The following PDE10A variants were observed in gnomAD, a reference collection of about 807,000 sequenced individuals.
The protein encoded by PDE10A is phosphodiesterase 10A, also known as cAMP and cAMP-inhibited cGMP 3',5'-cyclic phosphodiesterase 10A.
Under a neutral mutation model 97.7 loss-of-function variants are expected in PDE10A, and 39 were observed. The ratio of observed to expected loss-of-function variants is 0.40; its 90% CI spans 0.31 to 0.52. PDE10A has a LOEUF of 0.52. Among genes scored for constraint, PDE10A ranks in the 20% least tolerant of loss-of-function variants. PDE10A has a pLI of 0.56. For missense variants in PDE10A, 731 were observed against 1,047.8 expected, an observed-to-expected ratio of 0.70 and a Z score of 4.17; for synonymous variants, 371 against 376.8, an observed-to-expected ratio of 0.98 and a Z score of 0.18.
chr6:165,843,408 C>T (rs891818647), intron 1 of PDE10A, among the ~76,000 whole-genome samples: 1 of 152,160 alleles, frequency 6.6e-6, no homozygotes, highest in Admixed American at 6.5e-5. Flanking sequence ...TCCATCACCT[C>T]GGCTACAACA....
intron 1 of PDE10A, among the ~76,000 whole-genome samples, chr6:165,898,632 A>T (rs4709993): frequency 6.6e-6 from 1 of 151,562 alleles, no homozygotes; most frequent in African/African-American, 2.4e-5. Context: ...CCCTGAGGGC[A>T]TCTACACCTC....
intron 18 of PDE10A, among the ~76,000 whole-genome samples, chr6:165,371,490 A>G (rs9459393): frequency 2.0e-5 from 3 of 151,476 alleles, no homozygotes; most frequent in Admixed American, 6.6e-5. Flanking sequence ...GAAATGGATA[A>G]ATTCCTCGAC....
chr6:165,432,672 G>A lies in PDE10A; in HGVS notation c.1491+302C>T, dbSNP rs146225134. Among the ~76,000 whole-genome samples the A allele has an allele frequency of 1.2e-4, 18 of 152,246 alleles. No individual in the cohort carries two copies. In the East Asian group the frequency reaches 3.5e-3, roughly 29 times the overall value. ...TAAAGAAGACATAAAGACAACCAGA[G>A]TGTGAAAAGTCTCCAAAGTCCTTCT... On this transcript the variant is annotated intron_variant, in intron 7 of 21. Coordinates refer to ENST00000539869, the MANE Select transcript of PDE10A (RefSeq NM_001385079.1).
chr6:165,488,153 T>A (rs370162496), intron 2 of PDE10A, among the ~76,000 whole-genome samples: 1 of 152,110 alleles, frequency 6.6e-6, no homozygotes, highest in Non-Finnish European at 1.5e-5. Flanking sequence ...TGCCAGGAAC[T>A]TATCTCTGAC....
intron 1 of PDE10A, among the ~76,000 whole-genome samples, chr6:165,638,756 T>C (rs896420667): frequency 3.9e-5 from 6 of 152,226 alleles, no homozygotes; most frequent in Non-Finnish European, 7.3e-5. Context: ...TAATAAGCTA[T>C]GTATTTAGTT....
Position 165,921,226 on chromosome 6 carries a change from C to T in PDE10A, c.-615+66303G>A, listed in dbSNP as rs562674953. On this transcript the variant is annotated intron_variant, in intron 1 of 19. Coordinates refer to the PDE10A transcript ENST00000366882. ...GCCAGGGTCACTAGGTTTCAGCTGC[C>T]GGTAGACTGCATAGAAACAGACTTC... is the stretch of plus-strand genomic sequence containing the variant. 1.2e-4 allele frequency among the ~76,000 whole-genome samples: 18 copies of T among 152,280 alleles called. No individual in the cohort carries two copies. The South Asian group carries it at 3.3e-3, about 28-fold the overall frequency.
At chr6:165,941,074 C>T (rs10455965) in intron 1 of PDE10A, among the ~76,000 whole-genome samples, 46,077 of 152,014 alleles carry the variant, frequency 0.3, 7,809 homozygotes, top group African/African-American at 0.44. Context: ...GAAGTCTGTC[C>T]GGGATTTGTG....
At chr6:165,670,465 T>G (rs1215573118) in intron 1 of PDE10A, among the ~76,000 whole-genome samples, 2 of 152,202 alleles carry the variant, frequency 1.3e-5, no homozygotes, top group African/African-American at 4.8e-5. Flanking sequence ...GGAACATCAT[T>G]AACTTGGATT....
At chr6:165,550,736 A>C (rs1005807867) in intron 1 of PDE10A, among the ~76,000 whole-genome samples, 1 of 152,216 alleles carries the variant, frequency 6.6e-6, no homozygotes, top group African/African-American at 2.4e-5. Context: ...TAACAATTCA[A>C]CTTCAGGCAG....
At chr6:165,541,128 T>A (rs1295524830) in intron 2 of PDE10A, among the ~76,000 whole-genome samples, 1 of 152,290 alleles carries the variant, frequency 6.6e-6, no homozygotes, top group East Asian at 1.9e-4. Context: ...GGCTGCACAG[T>A]GGAATGTAAG....
chr6:165,526,847 T>C (rs1392098948), intron 2 of PDE10A, among the ~76,000 whole-genome samples: 1 of 152,342 alleles, frequency 6.6e-6, no homozygotes, highest in South Asian at 2.1e-4. Context: ...AAGCCAGCAA[T>C]ATACCTTTAC....
intron 3 of PDE10A, among the ~76,000 whole-genome samples, chr6:165,452,447 C>T (rs866453190): frequency 1.3e-5 from 2 of 152,158 alleles, no homozygotes; most frequent in South Asian, 4.1e-4. Context: ...AGGCAGAGCC[C>T]TTGTGAATGG....
At chr6:165,494,491 A>C (rs1009297851) in intron 2 of PDE10A, among the ~76,000 whole-genome samples, 29 of 149,850 alleles carry the variant, frequency 1.9e-4, no homozygotes, top group African/African-American at 7.1e-4. Context: ...ACACACAACA[A>C]ACATAGTAGT....
At chr6:165,346,783 A>T (rs1281251402) in intron 18 of PDE10A, among the ~76,000 whole-genome samples, 1 of 152,238 alleles carries the variant, frequency 6.6e-6, no homozygotes, top group Non-Finnish European at 1.5e-5. Flanking sequence ...TTGGAAAAGA[A>T]GAAACACCCA....
chr6:165,596,028 G>C (rs1335295855), intron 1 of PDE10A, among the ~76,000 whole-genome samples: 1 of 152,152 alleles, frequency 6.6e-6, no homozygotes, highest in East Asian at 1.9e-4. Context: ...ATATTCACAA[G>C]ATCTCAAAGT....
chr6:165,895,322 T>G (rs1006032818), intron 1 of PDE10A, among the ~76,000 whole-genome samples: 1 of 152,066 alleles, frequency 6.6e-6, no homozygotes, highest in Non-Finnish European at 1.5e-5. Flanking sequence ...GCCATGGAGA[T>G]ACAGAGACAC....
chr6:165,414,695 G>A (rs998509839), intron 12 of PDE10A, among the ~76,000 whole-genome samples: 13 of 152,170 alleles, frequency 8.5e-5, no homozygotes, highest in African/African-American at 1.2e-4. Flanking sequence ...ATCTAGAAGC[G>A]GAGCTGATTA....
chr6:165,412,086 A>AT (rs1491369464), intron 13 of PDE10A, among the ~76,000 whole-genome samples: 1 of 151,918 alleles, frequency 6.6e-6, no homozygotes, highest in Non-Finnish European at 1.5e-5. Context: ...ACTTGATCAC[A>AT]TATGTGATAA....
At chr6:165,334,275 C>T (rs962470192) in intron 21 of PDE10A, among the ~76,000 whole-genome samples, 8 of 152,312 alleles carry the variant, frequency 5.3e-5, no homozygotes, top group South Asian at 2.1e-4. Context: ...ACCTCCATAG[C>T]GCCCTACAGC....
Sources: allele counts gnomAD v4.1 joint callset (sites outside exome capture counted in the v4.1 genomes callset), GRCh38; gene constraint gnomAD v4.1.1; transcripts MANE v1.5; gene names NCBI Gene and HGNC (gene_info 2026-07-23, HGNC 2026-07-21).